The following DLG2 variants were observed in gnomAD, a reference collection of about 807,000 sequenced individuals.
The protein encoded by DLG2 is disks large homolog 2.
A neutral mutation model predicts 132.5 loss-of-function variants in DLG2; 45 were observed. The ratio of observed to expected loss-of-function variants is 0.34; its 90% CI spans 0.27 to 0.44. The LOEUF (loss-of-function observed/expected upper bound fraction) is 0.44. Ranked by LOEUF, DLG2 falls within the 20% of genes least tolerant of loss-of-function variation. The pLI is 1.00. For missense variants in DLG2, 1,045 were observed against 1,196.9 expected (o/e 0.87, Z 1.87); for synonymous variants, 424 against 419.6 (o/e 1.01, Z -0.13).
intron 8 of DLG2, among the ~76,000 whole-genome samples, chr11:84,249,831 AG>A: frequency 6.6e-6 from 1 of 152,304 alleles, no homozygotes; most frequent in Admixed American, 6.5e-5. Flanking sequence ...TTGTTCAGAA[AG>A]ATTTAAGAAG....
intron 15 of DLG2, among the ~76,000 whole-genome samples, chr11:83,888,845 A>G (rs1184574160): frequency 6.6e-6 from 1 of 152,224 alleles, no homozygotes; most frequent in Non-Finnish European, 1.5e-5. Flanking sequence ...GAGAAAAACA[A>G]GCAATGGGGA....
At chr11:84,844,222 C>T (rs1357372114) in intron 6 of DLG2, among the ~76,000 whole-genome samples, 2 of 145,148 alleles carry the variant, frequency 1.4e-5, no homozygotes, top group African/African-American at 5.1e-5. Flanking sequence ...GGTGGTAGTG[C>T]CCAAAATGTA....
intron 8 of DLG2, among the ~76,000 whole-genome samples, chr11:84,249,573 C>T (rs1170093307): frequency 6.6e-6 from 1 of 152,158 alleles, no homozygotes; most frequent in African/African-American, 2.4e-5. Flanking sequence ...ATAGTACCTA[C>T]CTCATAGGAT....
intron 3 of DLG2, among the ~76,000 whole-genome samples, chr11:85,543,495 T>C (rs2076106395): frequency 6.6e-6 from 1 of 152,242 alleles, no homozygotes; most frequent in Non-Finnish European, 1.5e-5. Flanking sequence ...CCTTTGGGTA[T>C]ATACCCAATA....
chr11:85,251,229 C>T (rs1371822264), intron 4 of DLG2, among the ~76,000 whole-genome samples: 1 of 152,144 alleles, frequency 6.6e-6, no homozygotes, highest in Non-Finnish European at 1.5e-5. Flanking sequence ...GAATTAAAAG[C>T]TAGTCTGTGG....
intron 5 of DLG2, among the ~76,000 whole-genome samples, chr11:85,146,467 G>A (rs960144145): frequency 1.3e-5 from 2 of 152,048 alleles, no homozygotes; most frequent in African/African-American, 2.4e-5. Flanking sequence ...GCCATGAAGG[G>A]GTCCCTCCTG....
chr11:83,567,965 T>G (rs1042197495), intron 19 of DLG2, among the ~76,000 whole-genome samples: 4 of 152,140 alleles, frequency 2.6e-5, no homozygotes, highest in African/African-American at 7.2e-5. Flanking sequence ...GAGGGACTCT[T>G]TCTCTCCATA....
intron 5 of DLG2, among the ~76,000 whole-genome samples, chr11:85,141,418 G>GT (rs960223089): frequency 1.1e-4 from 16 of 151,310 alleles, no homozygotes; most frequent in African/African-American, 2.2e-4. Flanking sequence ...CAGATTATTT[G>GT]TTTTTTTTCC....
chr11:83,950,596 A>AAAAC (rs568853360), intron 14 of DLG2, among the ~76,000 whole-genome samples: 2 of 152,360 alleles, frequency 1.3e-5, no homozygotes, highest in Non-Finnish European at 2.9e-5. Context: ...CCTGTCTCAA[A>AAAAC]AAACAAACAA....
intron 9 of DLG2, among the ~76,000 whole-genome samples, chr11:84,145,890 C>T (rs543501568): frequency 1.3e-3 from 202 of 152,296 alleles, no homozygotes; most frequent in African/African-American, 4.7e-3. Context: ...TCATTCCTGA[C>T]ACTTTGATGC....
intron 21 of DLG2, among the ~76,000 whole-genome samples, chr11:83,515,368 G>A (rs1466700044): frequency 2.6e-5 from 4 of 152,130 alleles, no homozygotes; most frequent in Non-Finnish European, 5.9e-5. Flanking sequence ...GGGATCGGTG[G>A]TGATATCCCC....
intron 3 of DLG2, among the ~76,000 whole-genome samples, chr11:85,357,238 TTGTGTGTGTGTGTGTG>T (rs71036472): frequency 3.4e-4 from 40 of 118,200 alleles, no homozygotes; most frequent in South Asian, 2.9e-3. Context: ...AATATCCTCT[TTGTGTGTGTGTGTGTG>T]TGTGTGTGTG....
At chr11:85,592,995 A>G (rs2079471879) in intron 3 of DLG2, among the ~76,000 whole-genome samples, 1 of 151,628 alleles carries the variant, frequency 6.6e-6, no homozygotes, top group African/African-American at 2.4e-5. Flanking sequence ...AAAAAGAAGG[A>G]AGGAAGGACG....
rs551532944 is a variant in DLG2 at position 85,334,535 on chromosome 11, G to A, written c.41-49170C>T. Among the ~76,000 whole-genome samples the A allele has an allele frequency of 2.6e-5, 4 of 152,106 alleles. No homozygotes were observed. In the South Asian group the frequency reaches 8.3e-4, roughly 32 times the overall value. On this transcript the variant is annotated intron_variant, in intron 3 of 27. Transcript: ENST00000376104. ...AGGTATAGTGTTAGATTCTCAATTT[G>A]AGACCTTTGTAACTTGTTAACATGG... is the stretch of plus-strand genomic sequence containing the variant.
At chr11:85,465,154 T>C (rs1027463005) in intron 3 of DLG2, among the ~76,000 whole-genome samples, 1 of 145,888 alleles carries the variant, frequency 6.9e-6, no homozygotes, top group Non-Finnish European at 1.5e-5. Context: ...AAGATTTTTT[T>C]TTTTTTGAAA....
chr11:84,077,025 T>A (rs571470093), intron 10 of DLG2, among the ~76,000 whole-genome samples: 11 of 152,280 alleles, frequency 7.2e-5, no homozygotes, highest in African/African-American at 2.4e-4. Flanking sequence ...TCTCACCAGA[T>A]CATTTAATCT....
At chr11:85,156,380 T>C (rs1013058784) in intron 4 of DLG2, among the ~76,000 whole-genome samples, 2 of 152,134 alleles carry the variant, frequency 1.3e-5, no homozygotes, top group Non-Finnish European at 2.9e-5. Flanking sequence ...GTTTGATGAA[T>C]GAAAAATAAA....
intron 6 of DLG2, among the ~76,000 whole-genome samples, chr11:84,953,914 C>T (rs1940129): frequency 0.72 from 110,047 of 151,948 alleles, 41,280 homozygotes; most frequent in African/African-American, 0.93. Flanking sequence ...CCAAATTTTC[C>T]CTCACCTCTG....
rs1566161363 is a variant in DLG2 at position 83,633,783 on chromosome 11, A to ACACAC, written c.1826-459_1826-458insGTGTG. On this transcript the variant is annotated intron_variant, in intron 18 of 27. Coordinates refer to ENST00000376104, the MANE Select transcript of DLG2 (RefSeq NM_001142699.3). ...ACACACACACACACACACACACACA[A>ACACAC]CTGCGGAAAATCTGAATAATATCGA... 3.2e-4 allele frequency among the ~76,000 whole-genome samples: 33 copies of ACACAC among 102,170 alleles called. No individual in the cohort carries two copies. The East Asian group carries it at 6.0e-3, about 19-fold the overall frequency. 67.0% of individuals were successfully genotyped at this position (102,170 alleles called of 152,430 possible). A position where few individuals can be genotyped will look rare whatever the true frequency, so the allele number is the denominator to read the frequency against.
Sources: allele counts gnomAD v4.1 joint callset (sites outside exome capture counted in the v4.1 genomes callset), GRCh38; gene constraint gnomAD v4.1.1; transcripts MANE v1.5; gene names NCBI Gene and HGNC (gene_info 2026-07-23, HGNC 2026-07-21).